Variants in ZNF420 observed in about 807,000 individuals in gnomAD.
ZNF420 encodes zinc finger protein 420, also known as ATM and p53-associated KZNF protein.
In ZNF420, 31 loss-of-function variants were observed where a neutral mutation model predicts 44.7. The observed-to-expected ratio is 0.69, with a 90% CI of 0.52 to 0.94. The LOEUF (loss-of-function observed/expected upper bound fraction) is 0.94, where lower values mean the gene tolerates loss of function less well. Among genes scored for constraint, ZNF420 ranks in the 40% least tolerant of loss-of-function variants. The pLI is 0.00. For synonymous variants in ZNF420, 245 were observed against 267.4 expected (o/e 0.92, Z 0.82); for missense variants, 681 against 827.9 (o/e 0.82, Z 2.18).
At chr19:37,018,570 TTTTG>T (rs987362095) in intron 1 of ZNF420, among the ~76,000 whole-genome samples, 28 of 152,278 alleles carry the variant, frequency 1.8e-4, no homozygotes, top group South Asian at 6.2e-4. Flanking sequence ...TATTTTTATT[TTTTG>T]TTTGTTTGTT....
At chr19:37,052,857 G>A (rs888896505) in intron 1 of ZNF420, among the ~76,000 whole-genome samples, 3 of 152,096 alleles carry the variant, frequency 2.0e-5, no homozygotes, top group Non-Finnish European at 2.9e-5. Context: ...TGCTGTTCTC[G>A]AGGAGTATCT....
intron 4 of ZNF420, among the ~76,000 whole-genome samples, chr19:37,110,680 C>A (rs1970340494): frequency 6.6e-6 from 1 of 151,986 alleles, no homozygotes; most frequent in Non-Finnish European, 1.5e-5. Flanking sequence ...ATAGATTGAT[C>A]AAAATCTTAT....
In ZNF420 at chr19:37,054,397, T is replaced by C. The variant is rs556141851; in HGVS notation, c.-124-25948T>C. ...CACTTTCTGACATTCCCCAGTGAGA[T>C]GAGCCTGGTATCTCAGTTGGAAATG... is the stretch of plus-strand genomic sequence containing the variant. On this transcript the variant is annotated intron_variant, in intron 1 of 4. Coordinates refer to the ZNF420 transcript ENST00000587029. Among the ~76,000 whole-genome samples the C allele has an allele frequency of 5.3e-5, 8 of 152,372 alleles. No homozygotes were observed. In the South Asian group the frequency reaches 8.3e-4, roughly 16 times the overall value.
chr19:37,069,456 C>T (rs2146452156), intron 1 of ZNF420, among the ~76,000 whole-genome samples: 1 of 152,120 alleles, frequency 6.6e-6, no homozygotes, highest in South Asian at 2.1e-4. Context: ...CCCTAATAAA[C>T]CCATCACAAG....
At chr19:37,097,311 A>C (rs1221837041) in intron 4 of ZNF420, among the ~76,000 whole-genome samples, 5 of 152,194 alleles carry the variant, frequency 3.3e-5, no homozygotes, top group African/African-American at 1.2e-4. Context: ...TATATGAGAA[A>C]GTATTGATTT....
chr19:37,127,112 C>A lies in ZNF420; in HGVS notation c.137-16C>A. 1.4e-6 allele frequency: 2 copies of A among 1,415,388 alleles called. No homozygotes were observed. Among genetic ancestry groups the A allele is most frequent in the South Asian group, 1.9e-5 (1 of 51,616 alleles). The allele number at this position is 1,415,388 out of a possible 1,614,324, so 87.7% of individuals were successfully genotyped here. On this transcript the variant is annotated splice_polypyrimidine_tract_variant and intron_variant, in intron 4 of 4. Transcript: ENST00000337995. ...AGTTATATTTCTCAATTTTTTTATT[C>A]TCTCTTATCTTTCAGACTTGCCTTC...
chr19:37,040,595 C>A (rs1203374565), intron 1 of ZNF420, among the ~76,000 whole-genome samples: 1 of 152,078 alleles, frequency 6.6e-6, no homozygotes, highest in Non-Finnish European at 1.5e-5. Flanking sequence ...AAACAAGATA[C>A]CACATAAAGG....
chr19:37,051,787 C>G (rs890512557), intron 1 of ZNF420, among the ~76,000 whole-genome samples: 1 of 152,032 alleles, frequency 6.6e-6, no homozygotes, highest in South Asian at 2.1e-4. Context: ...GCTCTTGCTT[C>G]TCTAGTTCTT....
At chr19:37,021,936 C>CAAAAA (rs60559933) in intron 1 of ZNF420, among the ~76,000 whole-genome samples, 318 of 84,186 alleles carry the variant, frequency 3.8e-3, no homozygotes, top group Middle Eastern at 9.6e-3. Flanking sequence ...CAGTCTGTCT[C>CAAAAA]AAAAAAAAAA....
At chr19:37,074,337 T>C (rs149647340), upstream of ZNF420, among the ~76,000 whole-genome samples, 95 of 152,308 alleles carry the variant, frequency 6.2e-4, no homozygotes, top group Middle Eastern at 3.4e-3. Flanking sequence ...CCAGCATTCA[T>C]AGTTTTCTTG....
At chr19:37,085,932 A>G (rs1233158880) in intron 2 of ZNF420, among the ~76,000 whole-genome samples, 1 of 105,182 alleles carries the variant, frequency 9.5e-6, no homozygotes, top group Non-Finnish European at 2.0e-5. Flanking sequence ...TGCCTGGCTG[A>G]TGTTTTATTA....
chr19:37,057,017 A>G (rs1044797520), intron 1 of ZNF420, among the ~76,000 whole-genome samples: 2 of 152,254 alleles, frequency 1.3e-5, no homozygotes, highest in Non-Finnish European at 2.9e-5. Flanking sequence ...GCGAAGCGCC[A>G]GCCAATTCTC....
chr19:37,074,554 A>T (rs1265309695), upstream of ZNF420, among the ~76,000 whole-genome samples: 2 of 152,212 alleles, frequency 1.3e-5, no homozygotes, highest in East Asian at 3.8e-4. Flanking sequence ...AATTGGGACC[A>T]GGATGGATAT....
chr19:37,099,764 C>T (rs866569306), intron 4 of ZNF420, among the ~76,000 whole-genome samples: 14 of 152,152 alleles, frequency 9.2e-5, no homozygotes, highest in Non-Finnish European at 1.9e-4. Flanking sequence ...GCTGGGACTA[C>T]AGGCACATGC....
At chr19:37,087,714 C>T (rs1459100456) in intron 2 of ZNF420, among the ~76,000 whole-genome samples, 2 of 152,164 alleles carry the variant, frequency 1.3e-5, no homozygotes, top group East Asian at 1.9e-4. Context: ...GGCGCGATCT[C>T]GGCTCGCTGC....
chr19:37,040,258 T>C (rs1480999822), intron 1 of ZNF420, among the ~76,000 whole-genome samples: 1 of 152,202 alleles, frequency 6.6e-6, no homozygotes, highest in African/African-American at 2.4e-5. Context: ...CTTCCTTCCT[T>C]AAACATCGTG....
rs1043002398 is a variant in ZNF420, at chr19:37,064,423, G to A, written c.-124-15922G>A. ...GGAGCCCCTCCTGTGTGGGTTTTGC[G>A]GCCTTTAACAGGTTCCTATCATTCT... On this transcript the variant is annotated intron_variant, in intron 1 of 4. Transcript: ENST00000587029. 1.1e-4 allele frequency among the ~76,000 whole-genome samples: 17 copies of A among 152,042 alleles called. No homozygotes were observed. The South Asian group carries it at 2.9e-3, about 26-fold the overall frequency.
intron 1 of ZNF420, among the ~76,000 whole-genome samples, chr19:37,047,572 G>A (rs1219106491): frequency 3.3e-5 from 5 of 152,200 alleles, no homozygotes; most frequent in African/African-American, 1.2e-4. Context: ...AAGGCATAGT[G>A]CCTCGTCATT....
At chr19:37,043,460 C>T (rs1170155287) in intron 1 of ZNF420, among the ~76,000 whole-genome samples, 4 of 152,282 alleles carry the variant, frequency 2.6e-5, no homozygotes, top group East Asian at 1.9e-4. Flanking sequence ...AAACAGGTTT[C>T]GGGGATTTTT....
Sources: gnomAD v4.1 joint callset for allele counts (sites outside exome capture counted in the v4.1 genomes callset) on GRCh38, gnomAD v4.1.1 for gene constraint, MANE v1.5 for transcripts, NCBI Gene and HGNC (gene_info 2026-07-23, HGNC 2026-07-21) for gene names.